Variants in GABBR2 observed in about 807,000 individuals in gnomAD.
The protein encoded by GABBR2 is G-protein coupled receptor 51.
GABBR2 carries 23 observed loss-of-function variants against 105.6 expected under a neutral mutation model. That is an observed-to-expected ratio of 0.22 (90% CI 0.16 to 0.31). The LOEUF is 0.31. Among genes scored for constraint, GABBR2 ranks in the 10% least tolerant of loss-of-function variants. The pLI is 1.00. For synonymous variants in GABBR2, 478 were observed against 499.7 expected, an observed-to-expected ratio of 0.96 and a Z score of 0.58; for missense variants, 734 against 1,245.5, an observed-to-expected ratio of 0.59 and a Z score of 6.18.
chr9:98,590,177 G>A (rs1348174839), intron 1 of GABBR2, among the ~76,000 whole-genome samples: 6 of 152,220 alleles, frequency 3.9e-5, no homozygotes, highest in African/African-American at 1.4e-4. Flanking sequence ...AATAAAAGTA[G>A]TCATATCCAT....
At chr9:98,489,768 C>T (rs1014849893) in intron 4 of GABBR2, among the ~76,000 whole-genome samples, 6 of 152,006 alleles carry the variant, frequency 3.9e-5, no homozygotes, top group East Asian at 1.9e-4. Context: ...AAGGCAGGGA[C>T]GGAGTCCAAC....
rs192987279 is a variant in GABBR2, at chr9:98,463,979, C to T, written c.999+9167G>A. 3.3e-4 allele frequency among the ~76,000 whole-genome samples: 51 copies of T among 152,320 alleles called. No homozygotes were observed. The East Asian group carries it at 6.4e-3, about 19-fold the overall frequency. ...GGAGTGCAGTGGCGTGATCTTGGCT[C>T]GCTACAACCTCCACCTCCCAGCCAC... On this transcript the variant is annotated intron_variant, in intron 6 of 18. Coordinates refer to ENST00000259455, the MANE Select transcript of GABBR2 (RefSeq NM_005458.8).
intron 1 of GABBR2, among the ~76,000 whole-genome samples, chr9:98,583,527 T>A (rs1320225992): frequency 6.6e-6 from 1 of 152,254 alleles, no homozygotes; most frequent in Non-Finnish European, 1.5e-5. Context: ...GCAAAAATGT[T>A]TGAAAACCAC....
chr9:98,398,317 C>A (rs141532406), intron 8 of GABBR2, among the ~76,000 whole-genome samples: 67 of 148,854 alleles, frequency 4.5e-4, no homozygotes, highest in African/African-American at 1.7e-3. Context: ...GTACTCAATT[C>A]TAGGACCCAC....
At chr9:98,332,518 C>T (rs1192780912) in intron 13 of GABBR2, among the ~76,000 whole-genome samples, 4 of 152,160 alleles carry the variant, frequency 2.6e-5, no homozygotes, top group Non-Finnish European at 5.9e-5. Context: ...AAGTCACTCA[C>T]CCAAGGTCAC....
chr9:98,536,415 G>A (rs1828182159), intron 3 of GABBR2, among the ~76,000 whole-genome samples: 2 of 152,290 alleles, frequency 1.3e-5, no homozygotes, highest in South Asian at 2.1e-4. Context: ...ATAGAATTGA[G>A]AGCCCAAAGA....
intron 2 of GABBR2, among the ~76,000 whole-genome samples, chr9:98,543,388 C>T (rs1564109809): frequency 6.6e-6 from 1 of 151,676 alleles, no homozygotes; most frequent in East Asian, 1.9e-4. Flanking sequence ...TATTTAGAGA[C>T]AGGGTCCATT....
At chr9:98,434,430 G>A (rs890479672) in intron 7 of GABBR2, among the ~76,000 whole-genome samples, 3 of 152,180 alleles carry the variant, frequency 2.0e-5, no homozygotes, top group African/African-American at 7.2e-5. Context: ...TCAGTGGTGT[G>A]CTGGTAAATG....
chr9:98,498,572 T>C (rs1827333040), intron 3 of GABBR2, among the ~76,000 whole-genome samples: 1 of 152,206 alleles, frequency 6.6e-6, no homozygotes, highest in South Asian at 2.1e-4. Flanking sequence ...GACAGAAATA[T>C]GAAGCAAATG....
At chr9:98,443,855 C>T (rs1414419893) in intron 7 of GABBR2, among the ~76,000 whole-genome samples, 1 of 152,178 alleles carries the variant, frequency 6.6e-6, no homozygotes, top group Non-Finnish European at 1.5e-5. Context: ...AGTACCTGCT[C>T]TCTCTCTGAT....
intron 4 of GABBR2, among the ~76,000 whole-genome samples, chr9:98,492,523 A>G (rs1052188922): frequency 6.6e-6 from 1 of 152,060 alleles, no homozygotes; most frequent in Non-Finnish European, 1.5e-5. Context: ...TTATTAGCTA[A>G]CACCCATTCT....
At chr9:98,485,795 C>T (rs1205125900) in intron 4 of GABBR2, among the ~76,000 whole-genome samples, 1 of 152,174 alleles carries the variant, frequency 6.6e-6, no homozygotes, top group Non-Finnish European at 1.5e-5. Flanking sequence ...GGCTGGTACA[C>T]CCGCCCGGCT....
rs1293846796 is a variant in GABBR2 at position 98,361,995 on chromosome 9, G to T, written c.1893+720C>A. Among the ~76,000 whole-genome samples the T allele has an allele frequency of 2.0e-5, 3 of 152,284 alleles. No homozygotes were observed. In the East Asian group the frequency reaches 5.8e-4, roughly 29 times the overall value. ...TCCCACAAAAGATCTCTCTAACAAA[G>T]CAGTGAGAGAAACAGAGATTCTTAT... On this transcript the variant is annotated intron_variant, in intron 13 of 18. Transcript: ENST00000259455.
intron 1 of GABBR2, among the ~76,000 whole-genome samples, chr9:98,656,928 C>T (rs1272964845): frequency 6.6e-6 from 1 of 152,208 alleles, no homozygotes; most frequent in Non-Finnish European, 1.5e-5. Context: ...AAAGCTGGCC[C>T]TAGATGCTGG....
intron 8 of GABBR2, among the ~76,000 whole-genome samples, chr9:98,404,635 T>C (rs1239178064): frequency 6.6e-6 from 1 of 152,084 alleles, no homozygotes; most frequent in Non-Finnish European, 1.5e-5. Context: ...ACCCCGCTAA[T>C]GGCTGTACTG....
chr9:98,368,582 AAT>A (rs1184786083), intron 12 of GABBR2, among the ~76,000 whole-genome samples: 2 of 152,166 alleles, frequency 1.3e-5, no homozygotes, highest in African/African-American at 2.4e-5. Flanking sequence ...CCGTTTTCCC[AAT>A]ATGTTTTGTC....
At chr9:98,503,194 G>A (rs758678366) in intron 3 of GABBR2, among the ~76,000 whole-genome samples, 5 of 152,288 alleles carry the variant, frequency 3.3e-5, no homozygotes, top group Admixed American at 6.5e-5. Flanking sequence ...ATTCCAGGCC[G>A]AGGAGCAGCA....
At chr9:98,485,880 C>G (rs183382092) in intron 4 of GABBR2, among the ~76,000 whole-genome samples, 199 of 152,264 alleles carry the variant, frequency 1.3e-3, no homozygotes, top group African/African-American at 4.5e-3. Flanking sequence ...GCTTCCTGGC[C>G]ATGGGAGCCA....
chr9:98,455,571 A>AG lies in GABBR2; in HGVS notation c.1000-1355dup, dbSNP rs923310435. ...CAGCCTGTGTGTGTGTGGTGGAGGG[A>AG]GGGGGGGCGCGGCACCAGACTACCT... is the stretch of plus-strand genomic sequence containing the variant. On this transcript the variant is annotated intron_variant, in intron 6 of 18. Transcript: ENST00000259455. Among the ~76,000 whole-genome samples the AG allele has an allele frequency of 1.1e-4, 16 of 152,128 alleles. 1 individual carries two copies. Among genetic ancestry groups the AG allele is most frequent in the Middle Eastern group, 6.8e-3 (2 of 294 alleles).
Sources: gnomAD v4.1 joint callset for allele counts (sites outside exome capture counted in the v4.1 genomes callset) on GRCh38, gnomAD v4.1.1 for gene constraint, MANE v1.5 for transcripts, NCBI Gene and HGNC (gene_info 2026-07-23, HGNC 2026-07-21) for gene names.